The following STOX2 variants were observed in gnomAD, a reference collection of about 807,000 sequenced individuals.
STOX2 encodes the protein storkhead-box protein 2.
In STOX2, 28 loss-of-function variants were observed where a neutral mutation model predicts 60.9. The ratio of observed to expected loss-of-function variants is 0.46; its 90% CI spans 0.34 to 0.63. The LOEUF is 0.63. Ranked by LOEUF, STOX2 falls within the 30% of genes least tolerant of loss-of-function variation. The pLI, the probability that STOX2 is intolerant of heterozygous loss-of-function variation, is 0.01. For synonymous variants in STOX2, 472 were observed against 463.9 expected, an observed-to-expected ratio of 1.02 and a Z score of -0.22; for missense variants, 1,024 against 1,187.7, an observed-to-expected ratio of 0.86 and a Z score of 2.03.
chr4:183,903,874 TTGGGATGATTTGAGTGCATTACATTTAC>T (rs1224576542), upstream of STOX2, among the ~76,000 whole-genome samples: 1 of 152,192 alleles, frequency 6.6e-6, no homozygotes, highest in African/African-American at 2.4e-5. Flanking sequence ...GCAGAAGGTT[TTGGGATGATTTGAGTGCATTACATTTAC>T]TGTGCACTTT....
At position 184,011,802 on chromosome 4, in the gene STOX2, G is replaced by A. The variant is rs771108854; in HGVS notation, c.2585+379G>A. Among the ~76,000 whole-genome samples the A allele has an allele frequency of 1.3e-5, 2 of 152,086 alleles. No individual in the cohort carries two copies. Among genetic ancestry groups the A allele is most frequent in the African/African-American group, 2.4e-5 (1 of 41,406 alleles). On this transcript the variant is annotated intron_variant, in intron 3 of 3. Transcript: ENST00000308497. This position sits in a 1 kb window ranked among gnomAD's most constrained non-coding sequence, Gnocchi z 4.4. ...TGAGTAGAATAAATAGTCTGGGGGC[G>A]GGGGAGGAAGATAGGGGTTGGGAGT...
Position 183,800,386 on chromosome 4 carries a change from T to A in STOX2, c.364+2331T>A, listed in dbSNP as rs1424706453. On this transcript the variant is annotated intron_variant, in intron 1 of 2. Coordinates refer to the STOX2 transcript ENST00000513034. ...TCTGAAAAGCGTGATGTTATAGGAA[T>A]AGCCTAGAATCGATCTACTGCTAAA... 3.3e-5 allele frequency among the ~76,000 whole-genome samples: 5 copies of A among 152,314 alleles called. No individual in the cohort carries two copies. In the South Asian group the frequency reaches 1.0e-3, roughly 32 times the overall value.
At chr4:183,983,811 A>T (rs570904236) in intron 1 of STOX2, among the ~76,000 whole-genome samples, 117 of 152,246 alleles carry the variant, frequency 7.7e-4, no homozygotes, top group African/African-American at 2.5e-3. Flanking sequence ...TTAGAGAAGG[A>T]TCTTGCTCTC....
chr4:183,991,858 T>C (rs1376306953), intron 1 of STOX2, among the ~76,000 whole-genome samples: 7 of 152,158 alleles, frequency 4.6e-5, no homozygotes, highest in African/African-American at 1.4e-4. Context: ...TTATGTATAC[T>C]TCACAAAAGA....
intron 1 of STOX2, among the ~76,000 whole-genome samples, chr4:183,996,462 T>C (rs1301057675): frequency 6.6e-6 from 1 of 152,222 alleles, no homozygotes. Flanking sequence ...TAATGTAGAT[T>C]ATCGTGACCA....
intron 1 of STOX2, among the ~76,000 whole-genome samples, chr4:183,857,683 C>A (rs6831727): frequency 6.6e-6 from 1 of 151,886 alleles, no homozygotes; most frequent in Non-Finnish European, 1.5e-5. Flanking sequence ...ATGGAGGAAC[C>A]TTCCCCCCAG....
intron 1 of STOX2, among the ~76,000 whole-genome samples, chr4:183,896,043 C>G (rs1457715445): frequency 6.6e-6 from 1 of 152,214 alleles, no homozygotes; most frequent in Non-Finnish European, 1.5e-5. Flanking sequence ...CTTACAGCAA[C>G]AGGGCGGCTC....
At chr4:183,817,849 T>C (rs1435622536) in intron 1 of STOX2, among the ~76,000 whole-genome samples, 2 of 152,212 alleles carry the variant, frequency 1.3e-5, no homozygotes, top group Non-Finnish European at 2.9e-5. Context: ...TACAGATCAC[T>C]GTGGTTATCT....
At position 183,838,823 on chromosome 4, in the gene STOX2, C is replaced by G. The variant is rs1325130155; in HGVS notation, c.364+40768C>G. Reference sequence around the variant, plus strand: ...AGTGGCTCTCAAGCCTTTGTTCTGCCTCCACCTCCTCCACGTGGTTACACA... The same window carrying G: ...AGTGGCTCTCAAGCCTTTGTTCTGCGTCCACCTCCTCCACGTGGTTACACA... On this transcript the variant is annotated intron_variant, in intron 1 of 2. Coordinates refer to the STOX2 transcript ENST00000513034. Among the ~76,000 whole-genome samples the G allele has an allele frequency of 3.9e-5, 6 of 152,314 alleles. No individual in the cohort carries two copies. The South Asian group carries it at 1.2e-3, about 32-fold the overall frequency.
At chr4:183,826,524 T>C (rs1207900594) in intron 1 of STOX2, among the ~76,000 whole-genome samples, 1 of 152,192 alleles carries the variant, frequency 6.6e-6, no homozygotes, top group Admixed American at 6.5e-5. Flanking sequence ...TTCCATGGCT[T>C]GTATTCTCTA....
chr4:183,993,895 G>A (rs972982971), intron 1 of STOX2, among the ~76,000 whole-genome samples: 13 of 152,280 alleles, frequency 8.5e-5, no homozygotes, highest in African/African-American at 3.1e-4. Context: ...CCACCAGATG[G>A]GTGCTGTGGT....
At chr4:183,991,762 C>T (rs905460460) in intron 1 of STOX2, among the ~76,000 whole-genome samples, 14 of 152,114 alleles carry the variant, frequency 9.2e-5, no homozygotes, top group Admixed American at 2.6e-4. Flanking sequence ...ATTTATTAAA[C>T]ATGTATTAGG....
chr4:184,014,158 C>T (rs991459072), intron 3 of STOX2: 4 of 149,964 alleles, frequency 2.7e-5, no homozygotes, highest in African/African-American at 9.9e-5. Context: ...CAAAAAGTGA[C>T]TTTTCTCCAC....
chr4:183,866,450 A>G (rs569136813), intron 1 of STOX2, among the ~76,000 whole-genome samples: 5 of 152,146 alleles, frequency 3.3e-5, no homozygotes, highest in East Asian at 1.9e-4. Flanking sequence ...TTCAGCCTTC[A>G]GAGCTGCAGG....
Position 184,011,375 on chromosome 4 carries a change from GC to G in STOX2, c.2538del (p.Ser846ArgfsTer40). On this transcript the variant is annotated frameshift_variant, in exon 3 of 4. Transcript: ENST00000308497. LOFTEE classifies it high-confidence loss of function. This position sits in a 1 kb window ranked among gnomAD's most constrained non-coding sequence, Gnocchi z 4.4. Reference protein sequence around the residue: ...QRATHSARLDSMDSSSITVDS... With the variant: ...QRATHSARLDXMDSSSITVDS... ...GCCACCCATTCAGCCCGGCTCGACA[GC>G]ATGGACAGCAGCAGCATCACAGTGG... 1 of 1,613,622 alleles carries G rather than the reference GC, an allele frequency of 6.2e-7. No individual in the cohort carries two copies. Among genetic ancestry groups the G allele is most frequent in the East Asian group, 2.2e-5 (1 of 44,878 alleles).
At chr4:183,984,831 T>G (rs967145288) in intron 1 of STOX2, among the ~76,000 whole-genome samples, 1 of 152,214 alleles carries the variant, frequency 6.6e-6, no homozygotes, top group African/African-American at 2.4e-5. Context: ...ACCGAAGCTG[T>G]TATCCAAAGA....
intron 1 of STOX2, among the ~76,000 whole-genome samples, chr4:183,943,156 A>G (rs780895331): frequency 6.6e-6 from 1 of 152,216 alleles, no homozygotes; most frequent in Non-Finnish European, 1.5e-5. Context: ...TTTAATTCTC[A>G]TTAATTTTGG....
intron 1 of STOX2, among the ~76,000 whole-genome samples, chr4:183,876,207 A>G (rs1048837423): frequency 1.3e-5 from 2 of 152,140 alleles, no homozygotes; most frequent in African/African-American, 4.8e-5. Flanking sequence ...GAGACTGTCT[A>G]CAATTTGAAC....
chr4:183,906,973 G>A lies in STOX2; in HGVS notation c.166+17G>A, dbSNP rs764915371. The stretch of plus-strand genomic sequence containing the variant: ...TGACATCAGGTTGGTTGGTGACCGC[G>A]TTTCTGCCCCCGGGCCGGGGCCGCG... On this transcript the variant is annotated intron_variant, in intron 1 of 3. Coordinates refer to ENST00000308497, the MANE Select transcript of STOX2 (RefSeq NM_020225.3). 10 of 1,513,110 alleles carry A rather than the reference G, an allele frequency of 6.6e-6. No individual in the cohort carries two copies. The South Asian group carries it at 1.1e-4, about 17-fold the overall frequency. 93.7% of individuals were successfully genotyped at this position (1,513,110 alleles called of 1,614,324 possible). A position where few individuals can be genotyped will look rare whatever the true frequency, so the allele number is the denominator to read the frequency against.
Sources: gnomAD v4.1 joint callset for allele counts (sites outside exome capture counted in the v4.1 genomes callset) on GRCh38, gnomAD v4.1.1 for gene constraint, Gnocchi (gnomAD v3.1) non-coding constraint, MANE v1.5 for transcripts, NCBI Gene and HGNC (gene_info 2026-07-23, HGNC 2026-07-21) for gene names.